The following AHCYL2 variants were observed in gnomAD, a reference collection of about 807,000 sequenced individuals.
The protein encoded by AHCYL2 is adenosylhomocysteinase like 2.
AHCYL2 carries 28 observed loss-of-function variants against 81.4 expected under a neutral mutation model. The observed-to-expected ratio is 0.34, with a 90% CI of 0.25 to 0.47. AHCYL2 has a LOEUF of 0.47. AHCYL2 is among the 20% of genes least tolerant of loss of function. The pLI is 1.00. For missense variants in AHCYL2, 551 were observed against 785.1 expected, an observed-to-expected ratio of 0.70 and a Z score of 3.56; for synonymous variants, 272 against 290.2, an observed-to-expected ratio of 0.94 and a Z score of 0.64.
intron 1 of AHCYL2, among the ~76,000 whole-genome samples, chr7:129,371,587 G>A (rs187709946): frequency 1.7e-4 from 26 of 152,312 alleles, no homozygotes; most frequent in Admixed American, 9.2e-4. Flanking sequence ...CTGAAAGGTT[G>A]GGGAACACTT....
At chr7:129,287,427 A>G (rs1029370508) in intron 1 of AHCYL2, among the ~76,000 whole-genome samples, 1 of 152,218 alleles carries the variant, frequency 6.6e-6, no homozygotes, top group Non-Finnish European at 1.5e-5. Context: ...ATTAAGCAGT[A>G]TAACATCCAG....
intron 1 of AHCYL2, among the ~76,000 whole-genome samples, chr7:129,315,392 A>T (rs558161919): frequency 6.6e-6 from 1 of 151,984 alleles, no homozygotes; most frequent in African/African-American, 2.4e-5. Flanking sequence ...CTTTCCTGTT[A>T]TACTCCAGCA....
intron 1 of AHCYL2, among the ~76,000 whole-genome samples, chr7:129,247,187 A>G (rs1795091633): frequency 6.6e-6 from 1 of 152,224 alleles, no homozygotes; most frequent in South Asian, 2.1e-4. Flanking sequence ...TTAGATTCCC[A>G]CCAGCAATGC....
Position 129,306,572 on chromosome 7 carries a change from T to C in AHCYL2, c.364-73066T>C, listed in dbSNP as rs140519439. On this transcript the variant is annotated intron_variant, in intron 1 of 16. Coordinates refer to ENST00000325006, the MANE Select transcript of AHCYL2 (RefSeq NM_015328.4). Reference sequence around the variant, plus strand: ...TGTCTGAAAGGTCACATATCTCTGTTTCTCTGAGATTGGCCTCTGATGCCT... The same window carrying C: ...TGTCTGAAAGGTCACATATCTCTGTCTCTCTGAGATTGGCCTCTGATGCCT... Among the ~76,000 whole-genome samples the C allele has an allele frequency of 3.4e-3, 516 of 152,202 alleles. 1 individual carries two copies. The highest frequency in any genetic ancestry group is 0.012 in the African/African-American group (499 of 41,456).
chr7:129,355,015 A>G (rs4460316), intron 1 of AHCYL2, among the ~76,000 whole-genome samples: 151,681 of 152,270 alleles, frequency 1, 75,551 homozygotes, highest in Middle Eastern at 1. Flanking sequence ...TCCTTTTGGG[A>G]TCATAGACAT....
intron 2 of AHCYL2, among the ~76,000 whole-genome samples, chr7:129,380,083 A>G (rs546989914): frequency 1.9e-4 from 28 of 146,654 alleles, no homozygotes; most frequent in African/African-American, 6.6e-4. Context: ...TTTTTTTTTC[A>G]TCCTTTGAAA....
chr7:129,243,283 A>G (rs2150692265), intron 1 of AHCYL2, among the ~76,000 whole-genome samples: 1 of 151,958 alleles, frequency 6.6e-6, no homozygotes, highest in South Asian at 2.1e-4. Flanking sequence ...TCGGCCTCCC[A>G]AAGTGCTGGG....
At chr7:129,421,509 A>C (rs978280059) in intron 12 of AHCYL2, among the ~76,000 whole-genome samples, 1 of 152,236 alleles carries the variant, frequency 6.6e-6, no homozygotes, top group Non-Finnish European at 1.5e-5. Flanking sequence ...GCCCTAAAAA[A>C]GTGAAACTGA....
At chr7:129,329,261 C>A (rs1563198956) in intron 1 of AHCYL2, among the ~76,000 whole-genome samples, 1 of 152,176 alleles carries the variant, frequency 6.6e-6, no homozygotes, top group Non-Finnish European at 1.5e-5. Context: ...CTCACTGTAG[C>A]CTCCACCTCC....
intron 1 of AHCYL2, among the ~76,000 whole-genome samples, chr7:129,238,843 C>G (rs1490993715): frequency 6.6e-6 from 1 of 152,054 alleles, no homozygotes; most frequent in African/African-American, 2.4e-5. Context: ...ATCCCAGCTG[C>G]TTAGGAGGCT....
chr7:129,235,307 A>G (rs771670159), intron 1 of AHCYL2, among the ~76,000 whole-genome samples: 1 of 151,360 alleles, frequency 6.6e-6, no homozygotes. Context: ...GCTGGAGTGC[A>G]ATAGTATGAT....
chr7:129,370,467 G>GCCA (rs1794333888), intron 1 of AHCYL2, among the ~76,000 whole-genome samples: 1 of 152,130 alleles, frequency 6.6e-6, no homozygotes, highest in Non-Finnish European at 1.5e-5. Context: ...GGGAGGCCAG[G>GCCA]GCGGGCAGAT....
At chr7:129,298,308 A>G (rs1187323010) in intron 1 of AHCYL2, among the ~76,000 whole-genome samples, 1 of 152,190 alleles carries the variant, frequency 6.6e-6, no homozygotes, top group African/African-American at 2.4e-5. Context: ...GCCTGGTTTT[A>G]TTGTTGAACA....
intron 7 of AHCYL2, among the ~76,000 whole-genome samples, chr7:129,404,109 TATTCATTC>T (rs928157573): frequency 3.4e-4 from 51 of 151,908 alleles, no homozygotes; most frequent in African/African-American, 1.2e-3. Flanking sequence ...TGGACACATA[TATTCATTC>T]ATTCATTCAA....
chr7:129,411,328 C>A (rs531714641), intron 11 of AHCYL2, among the ~76,000 whole-genome samples: 1 of 152,156 alleles, frequency 6.6e-6, no homozygotes, highest in Non-Finnish European at 1.5e-5. Context: ...ATATCATTAG[C>A]AGTCACTCCT....
At chr7:129,341,314 T>A (rs1464199609) in intron 1 of AHCYL2, among the ~76,000 whole-genome samples, 2 of 152,194 alleles carry the variant, frequency 1.3e-5, no homozygotes, top group Non-Finnish European at 2.9e-5. Context: ...AAAGGCTAGT[T>A]AGCAAGGTTT....
At chr7:129,256,056 G>A (rs1404277450) in intron 1 of AHCYL2, among the ~76,000 whole-genome samples, 1 of 152,090 alleles carries the variant, frequency 6.6e-6, no homozygotes, top group African/African-American at 2.4e-5. Context: ...CCTCCGTCCT[G>A]TGTAGACACA....
intron 1 of AHCYL2, among the ~76,000 whole-genome samples, chr7:129,291,556 G>T (rs1251163811): frequency 5.0e-5 from 7 of 140,300 alleles, no homozygotes; most frequent in Middle Eastern, 3.8e-3. Flanking sequence ...ATTCATAAAA[G>T]AATTTTATAA....
intron 1 of AHCYL2, among the ~76,000 whole-genome samples, chr7:129,348,270 T>G (rs1793431269): frequency 6.6e-6 from 1 of 152,100 alleles, no homozygotes; most frequent in African/African-American, 2.4e-5. Flanking sequence ...GTGCAGAAGT[T>G]AAAAAGAGTG....
Sources: gnomAD v4.1 joint callset for allele counts (sites outside exome capture counted in the v4.1 genomes callset) on GRCh38, gnomAD v4.1.1 for gene constraint, MANE v1.5 for transcripts, NCBI Gene and HGNC (gene_info 2026-07-23, HGNC 2026-07-21) for gene names.